Variants in PTPRG observed in about 807,000 individuals in gnomAD.
PTPRG encodes the protein protein tyrosine phosphatase receptor type G, also known as receptor-type tyrosine-protein phosphatase gamma.
Under a neutral mutation model 165.3 loss-of-function variants are expected in PTPRG, and 102 were observed. The observed-to-expected ratio is 0.62, with a 90% confidence interval of 0.53 to 0.73. The LOEUF (loss-of-function observed/expected upper bound fraction) is 0.73, where lower values mean the gene tolerates loss of function less well. Ranked by LOEUF, PTPRG falls within the 30% of genes least tolerant of loss-of-function variation. The pLI is 0.00. For synonymous variants in PTPRG, 675 were observed against 669.5 expected (o/e 1.01, Z -0.13); for missense variants, 1,866 against 1,861.4 (o/e 1.00, Z -0.05).
rs949558929 is a variant in PTPRG, at chr3:62,229,586, C to G, written c.2289-1639C>G. Among the ~76,000 whole-genome samples, 2 of 152,198 alleles carry G rather than the reference C, an allele frequency of 1.3e-5. No homozygotes were observed. The highest frequency in any genetic ancestry group is 4.8e-5 in the African/African-American group (2 of 41,448). On this transcript the variant is annotated intron_variant, in intron 13 of 29. Coordinates refer to ENST00000474889, the MANE Select transcript of PTPRG (RefSeq NM_002841.4). This position sits in a 1 kb window ranked among gnomAD's most constrained non-coding sequence, Gnocchi z 4.6. Reference sequence around the variant, plus strand: ...TGGGTGGGTAAATTTTTAAACCAAGCTTACTTTTCAGGAAAGGGAAGCTCC... The same window carrying G: ...TGGGTGGGTAAATTTTTAAACCAAGGTTACTTTTCAGGAAAGGGAAGCTCC...
intron 8 of PTPRG, among the ~76,000 whole-genome samples, chr3:62,189,924 C>A (rs1160170958): frequency 6.6e-6 from 1 of 152,152 alleles, no homozygotes; most frequent in African/African-American, 2.4e-5. Flanking sequence ...GCCCCTCAGA[C>A]CTTCCCACCG....
intron 2 of PTPRG, among the ~76,000 whole-genome samples, chr3:61,975,679 G>T (rs4440120): frequency 0.12 from 18,690 of 149,644 alleles, 1,300 homozygotes; most frequent in Non-Finnish European, 0.16. Context: ...TTTTTTTTAT[G>T]GTGGCAACTT....
Position 61,562,177 on chromosome 3 carries a change from A to G in PTPRG, c.-111A>G, listed in dbSNP as rs1318652435. ...GCCGCCGAGCGCGGGGGGCCCGTGG[A>G]GCGGGCGAGCCGGGGAAGCGCCCCG... On this transcript the variant is annotated 5_prime_UTR_variant, in exon 1 of 30. Coordinates refer to ENST00000474889, the MANE Select transcript of PTPRG (RefSeq NM_002841.4). 3.5e-5 allele frequency: 28 copies of G among 809,524 alleles called. 1 individual carries two copies. Among genetic ancestry groups the G allele is most frequent in the Non-Finnish European group, 5.3e-5 (27 of 513,408 alleles). 50.1% of individuals were successfully genotyped at this position (809,524 alleles called of 1,614,324 possible).
Position 62,195,495 on chromosome 3 carries a change from C to T in PTPRG, c.1327+325C>T, listed in dbSNP as rs949372050. ...TCACACAATCACTTCCAAGTTGTAC[C>T]GCTGAATATCCTCTTTGTCTTTCTA... On this transcript the variant is annotated intron_variant, in intron 10 of 29. Transcript: ENST00000474889. This position sits in a 1 kb window ranked among gnomAD's most constrained non-coding sequence, Gnocchi z 4.4. Among the ~76,000 whole-genome samples, 4 of 152,232 alleles carry T rather than the reference C, an allele frequency of 2.6e-5. No individual in the cohort carries two copies. The highest frequency in any genetic ancestry group is 2.1e-4 in the South Asian group (1 of 4,816).
intron 1 of PTPRG, among the ~76,000 whole-genome samples, chr3:61,628,410 G>A (rs918407138): frequency 7.9e-5 from 12 of 152,010 alleles, no homozygotes; most frequent in Non-Finnish European, 1.5e-4. Context: ...TCTGCCTCCT[G>A]GTTCAAGTGA....
chr3:62,285,529 G>T (rs1205970324), intron 28 of PTPRG, among the ~76,000 whole-genome samples: 1 of 139,692 alleles, frequency 7.2e-6, no homozygotes, highest in East Asian at 2.4e-4. Flanking sequence ...GTTGTTGGGG[G>T]GGGGGGGTCT....
At chr3:62,071,927 A>G (rs958538385) in intron 4 of PTPRG, among the ~76,000 whole-genome samples, 3 of 152,198 alleles carry the variant, frequency 2.0e-5, no homozygotes, top group Non-Finnish European at 4.4e-5. Context: ...GGTTTGAAAA[A>G]CATTAACAAT....
chr3:62,011,294 A>T (rs970546673), intron 4 of PTPRG, among the ~76,000 whole-genome samples: 4 of 152,202 alleles, frequency 2.6e-5, no homozygotes, highest in African/African-American at 9.7e-5. Flanking sequence ...GTGTAAACAC[A>T]TGGGGCGGGT....
chr3:61,563,137 GCGGGGGCGGTTTCGGCGGC>G (rs905135336), intron 1 of PTPRG, among the ~76,000 whole-genome samples: 25 of 149,826 alleles, frequency 1.7e-4, no homozygotes, highest in African/African-American at 6.1e-4. Context: ...CGGGGAGGGG[GCGGGGGCGGTTTCGGCGGC>G]CGGGGCGGTT....
At chr3:61,926,697 C>T (rs1002389595) in intron 2 of PTPRG, among the ~76,000 whole-genome samples, 1 of 149,992 alleles carries the variant, frequency 6.7e-6, no homozygotes. Context: ...GGTAGCCCAG[C>T]CTTGACTCCC....
intron 1 of PTPRG, among the ~76,000 whole-genome samples, chr3:61,718,032 T>G (rs559782795): frequency 6.6e-6 from 1 of 150,692 alleles, no homozygotes; most frequent in Non-Finnish European, 1.5e-5. Flanking sequence ...ATAAAAAAAT[T>G]AGCCGGGCAT....
intron 5 of PTPRG, among the ~76,000 whole-genome samples, chr3:62,087,276 A>T (rs1701784245): frequency 6.6e-6 from 1 of 152,184 alleles, no homozygotes; most frequent in Non-Finnish European, 1.5e-5. Flanking sequence ...CTCTCAATCC[A>T]GCGACTTTGT....
chr3:62,203,806 G>A lies in PTPRG; in HGVS notation c.2011G>A (p.Val671Ile). 6.2e-7 allele frequency: 1 copy of A among 1,613,892 alleles called. No individual in the cohort carries two copies. Among genetic ancestry groups the A allele is most frequent in the South Asian group, 1.1e-5 (1 of 91,022 alleles). The change falls in exon 12 of 30, where the codon GTC (valine) becomes ATC (isoleucine). Residue 671 changes from valine (V) to isoleucine (I), a missense_variant. By Grantham distance (29) the Val-to-Ile change is conservative (BLOSUM62 3). Coordinates refer to ENST00000474889, the MANE Select transcript of PTPRG (RefSeq NM_002841.4). The surrounding 1 kb of genome is among the most constrained non-coding windows in gnomAD (Gnocchi z 6.4). ...DAGPGLDPDMVTSTQVPPTAT... is the reference protein window; with the variant it reads ...DAGPGLDPDMITSTQVPPTAT... ...CGGCCCAGGCCTGGACCCCGACATG[G>A]TCACCTCCACCCAAGTGCCCCCCAC...
chr3:61,650,055 T>C (rs1232123904), intron 1 of PTPRG, among the ~76,000 whole-genome samples: 3 of 152,206 alleles, frequency 2.0e-5, no homozygotes, highest in African/African-American at 7.2e-5. Flanking sequence ...TCCTTGTCCT[T>C]AATTCTTCCA....
At chr3:61,976,661 G>T (rs181157832) in intron 2 of PTPRG, among the ~76,000 whole-genome samples, 1 of 151,814 alleles carries the variant, frequency 6.6e-6, no homozygotes, top group African/African-American at 2.4e-5. Context: ...ACATGGAAAA[G>T]ACTGTAGGGT....
At chr3:61,592,816 T>C (rs2106826191) in intron 1 of PTPRG, among the ~76,000 whole-genome samples, 1 of 152,252 alleles carries the variant, frequency 6.6e-6, no homozygotes, top group African/African-American at 2.4e-5. Context: ...GACATCCATT[T>C]TCCCCCACAA....
intron 2 of PTPRG, among the ~76,000 whole-genome samples, chr3:61,961,498 G>A (rs1288539743): frequency 6.6e-6 from 1 of 152,152 alleles, no homozygotes; most frequent in East Asian, 1.9e-4. Flanking sequence ...GGGTAATTGT[G>A]GCTTGATGCT....
At chr3:61,984,179 A>G (rs2040704527) in intron 2 of PTPRG, among the ~76,000 whole-genome samples, 1 of 152,198 alleles carries the variant, frequency 6.6e-6, no homozygotes, top group Non-Finnish European at 1.5e-5. Context: ...CAAAATGAGA[A>G]AAATACAGTG....
chr3:61,811,156 T>C (rs2035562077), intron 2 of PTPRG, among the ~76,000 whole-genome samples: 1 of 152,064 alleles, frequency 6.6e-6, no homozygotes, highest in South Asian at 2.1e-4. Flanking sequence ...TGGGCTGGGT[T>C]TTGTGATGCT....
Sources: gnomAD v4.1 joint callset for allele counts (sites outside exome capture counted in the v4.1 genomes callset) on GRCh38, gnomAD v4.1.1 for gene constraint, Gnocchi (gnomAD v3.1) non-coding constraint, MANE v1.5 for transcripts, NCBI Gene and HGNC (gene_info 2026-07-23, HGNC 2026-07-21) for gene names.